Variants in EFCAB3 observed in about 807,000 individuals in gnomAD.
EFCAB3 encodes the protein EF-hand calcium binding domain 3.
EFCAB3 carries 36 observed loss-of-function variants against 42.2 expected under a neutral mutation model. The ratio of observed to expected loss-of-function variants is 0.85; its 90% CI spans 0.65 to 1.13. The LOEUF (loss-of-function observed/expected upper bound fraction) is 1.13. Among genes scored for constraint, EFCAB3 ranks in the 50% most tolerant of loss-of-function variants. The pLI is 0.00. For synonymous variants in EFCAB3, 170 were observed against 172.8 expected, an observed-to-expected ratio of 0.98 and a Z score of 0.13; for missense variants, 418 against 505.1, an observed-to-expected ratio of 0.83 and a Z score of 1.65.
intron 6 of EFCAB3, among the ~76,000 whole-genome samples, chr17:62,406,163 G>A (rs1255891798): frequency 6.6e-6 from 1 of 151,954 alleles, no homozygotes; most frequent in Non-Finnish European, 1.5e-5. Flanking sequence ...GAGCCCAGGA[G>A]TTCCAGTCCA....
intron 6 of EFCAB3, among the ~76,000 whole-genome samples, chr17:62,402,606 A>G (rs1351808523): frequency 6.6e-6 from 1 of 152,126 alleles, no homozygotes; most frequent in Non-Finnish European, 1.5e-5. Context: ...TGATTTGCAT[A>G]TGTTGAACCA....
intron 2 of EFCAB3, among the ~76,000 whole-genome samples, chr17:62,374,890 A>G (rs960265765): frequency 1.3e-5 from 2 of 152,204 alleles, no homozygotes; most frequent in African/African-American, 4.8e-5. Context: ...AGACAGGCAG[A>G]TTGCTTGAGG....
At chr17:62,384,387 G>C (rs2070230285) in intron 2 of EFCAB3, among the ~76,000 whole-genome samples, 1 of 152,130 alleles carries the variant, frequency 6.6e-6, no homozygotes, top group South Asian at 2.1e-4. Flanking sequence ...TGTAATCCCA[G>C]CACTTTGAGA....
intron 6 of EFCAB3, chr17:62,398,098 CT>C: frequency 3.1e-6 from 1 of 321,014 alleles, no homozygotes. Context: ...CAATGTCTCT[CT>C]TTTGGCCCTA....
At chr17:62,389,241 T>G (rs1046579141) in intron 3 of EFCAB3, among the ~76,000 whole-genome samples, 1 of 152,216 alleles carries the variant, frequency 6.6e-6, no homozygotes. Context: ...CTGGGATGAC[T>G]AGGGCAGGGA....
intron 1 of EFCAB3, among the ~76,000 whole-genome samples, chr17:62,370,487 T>TG: frequency 6.6e-6 from 1 of 152,188 alleles, no homozygotes; most frequent in East Asian, 1.9e-4. Flanking sequence ...GAACCTCGTC[T>TG]TTACTAAAAC....
At position 62,406,619 on chromosome 17, in the gene EFCAB3, C is replaced by A; in HGVS notation, c.628C>A (p.Arg210=). The A allele has an allele frequency of 1.2e-6, 2 of 1,613,842 alleles. No individual in the cohort carries two copies. The highest frequency in any genetic ancestry group is 2.2e-5 in the South Asian group (2 of 91,062). The change falls in exon 7 of 10, where the codon CGG becomes AGG. Residue 210 remains arginine, a synonymous_variant. Transcript: ENST00000305286. The part of the protein sequence containing the change: ...SSMAAFANAA[R]IAIMKEKDLF... ...CATGGCTGCCTTTGCTAATGCTGCC[C>A]GGATTGCAATAATGAAAGAAAAGGA...
At position 62,383,036 on chromosome 17, in the gene EFCAB3, C is replaced by T; in HGVS notation, c.57C>T (p.Pro19=). 1 of 1,612,956 alleles carries T rather than the reference C, an allele frequency of 6.2e-7. No homozygotes were observed. The highest frequency in any genetic ancestry group is 8.5e-7 in the Non-Finnish European group (1 of 1,179,516). Residue 19 remains proline, a synonymous_variant, in exon 2 of 10, where the codon CCC becomes CCT. Transcript: ENST00000305286. ...AGCTGAATCCTCTAACAAAAGTACCCATCTCCCACAATAAAAGGTAGGTAA... is the reference window on the plus strand; with the variant it reads ...AGCTGAATCCTCTAACAAAAGTACCTATCTCCCACAATAAAAGGTAGGTAA... ...KLKLNPLTKV[P]ISHNKRDRDL...
chr17:62,371,524 C>G (rs2070114750), intron 1 of EFCAB3, among the ~76,000 whole-genome samples: 1 of 152,176 alleles, frequency 6.6e-6, no homozygotes, highest in Non-Finnish European at 1.5e-5. Flanking sequence ...CGCCACTGCA[C>G]TCCAGCCTGG....
intron 5 of EFCAB3, 132 bp downstream of exon 5, chr17:62,393,776 C>A: frequency 1.4e-6 from 1 of 705,334 alleles, no homozygotes; most frequent in Non-Finnish European, 2.4e-6. Flanking sequence ...ACTTTTGTAC[C>A]TCTTCTCCAG....
chr17:62,410,619 T>C (rs574736125), intron 8 of EFCAB3, among the ~76,000 whole-genome samples: 1 of 151,880 alleles, frequency 6.6e-6, no homozygotes, highest in African/African-American at 2.4e-5. Context: ...TATATATGAA[T>C]ACTGGACTAA....
At chr17:62,372,297 G>C (rs1296653919) in intron 1 of EFCAB3, among the ~76,000 whole-genome samples, 2 of 151,924 alleles carry the variant, frequency 1.3e-5, no homozygotes, top group Non-Finnish European at 2.9e-5. Context: ...TGGGGACAGG[G>C]TCTGGCTCTG....
intron 9 of EFCAB3, among the ~76,000 whole-genome samples, chr17:62,415,802 T>C (rs574470145): frequency 1.1e-3 from 172 of 152,312 alleles, no homozygotes; most frequent in Non-Finnish European, 1.7e-3. Flanking sequence ...AAATTTCTTA[T>C]TACCTCATTA....
rs555289318 is a variant in EFCAB3 at position 62,394,981 on chromosome 17, T to A, written c.368-87T>A. On this transcript the variant is annotated intron_variant, in intron 5 of 9. Transcript: ENST00000305286. ...TGTACCTCTAGTTCCTGACTTGATA[T>A]TATTATTGTAAATAATCAGTAAAGA... 4.6e-6 allele frequency: 7 copies of A among 1,513,952 alleles called. No homozygotes were observed. The African/African-American group carries it at 5.6e-5, about 12-fold the overall frequency. The allele number at this position is 1,513,952 out of a possible 1,614,324, so 93.8% of individuals were successfully genotyped here.
chr17:62,401,503 A>C (rs1201122170), intron 6 of EFCAB3, among the ~76,000 whole-genome samples: 1 of 152,208 alleles, frequency 6.6e-6, no homozygotes, highest in African/African-American at 2.4e-5. Context: ...AGCTTTCTAC[A>C]TATGGCTAGC....
intron 6 of EFCAB3, among the ~76,000 whole-genome samples, chr17:62,396,506 A>G (rs1350853255): frequency 9.2e-5 from 14 of 152,064 alleles, no homozygotes; most frequent in Admixed American, 9.2e-4. Flanking sequence ...GTGAGCCGAG[A>G]TCACTCCATT....
intron 8 of EFCAB3, among the ~76,000 whole-genome samples, chr17:62,412,765 CAA>C (rs4058736): frequency 1.4e-5 from 2 of 140,398 alleles, no homozygotes; most frequent in Non-Finnish European, 1.6e-5. Flanking sequence ...GACTCTGTCT[CAA>C]AAAAAAAAAA....
intron 9 of EFCAB3, among the ~76,000 whole-genome samples, 177 bp from the exon 10 acceptor site, chr17:62,415,826 C>T (rs761389021): frequency 1.3e-5 from 2 of 152,172 alleles, no homozygotes; most frequent in African/African-American, 2.4e-5. Context: ...CCAAGCAGTA[C>T]ATTTTGATTG....
intron 6 of EFCAB3, among the ~76,000 whole-genome samples, chr17:62,401,503 A>T (rs1201122170): frequency 6.6e-6 from 1 of 152,326 alleles, no homozygotes; most frequent in South Asian, 2.1e-4. Flanking sequence ...AGCTTTCTAC[A>T]TATGGCTAGC....
Sources: gnomAD v4.1 joint callset for allele counts (sites outside exome capture counted in the v4.1 genomes callset) on GRCh38, gnomAD v4.1.1 for gene constraint, MANE v1.5 for transcripts, NCBI Gene and HGNC (gene_info 2026-07-23, HGNC 2026-07-21) for gene names.